The following MYO9B variants were observed in gnomAD, a reference collection of about 807,000 sequenced individuals.
MYO9B encodes the protein myosin IXB, also known as unconventional myosin-IXb.
Under a neutral mutation model 229.5 loss-of-function variants are expected in MYO9B, and 71 were observed. The ratio of observed to expected loss-of-function variants is 0.31; its 90% confidence interval spans 0.26 to 0.38. The LOEUF (loss-of-function observed/expected upper bound fraction) is 0.38, where lower values mean the gene tolerates loss of function less well. Ranked by LOEUF, MYO9B falls within the 10% of genes least tolerant of loss-of-function variation. The probability of loss-of-function intolerance (pLI) is 1.00; values close to 1 mark genes in which losing one functional copy is unlikely to be tolerated. For synonymous variants in MYO9B, 1,185 were observed against 1,235.8 expected, an observed-to-expected ratio of 0.96 and a Z score of 0.86; for missense variants, 2,255 against 2,920.5, an observed-to-expected ratio of 0.77 and a Z score of 5.25.
chr19:17,198,924 G>C (rs2145481255), intron 24 of MYO9B, among the ~76,000 whole-genome samples: 1 of 152,224 alleles, frequency 6.6e-6, no homozygotes, highest in South Asian at 2.1e-4. Flanking sequence ...TGGCTGAATG[G>C]ATGCAGTAGG....
At position 17,162,484 on chromosome 19, in the gene MYO9B, C is replaced by T; in HGVS notation, c.1536+18C>T. 1 of 1,545,512 alleles carries T rather than the reference C, an allele frequency of 6.5e-7. No individual in the cohort carries two copies. Among genetic ancestry groups the T allele is most frequent in the Non-Finnish European group, 8.7e-7 (1 of 1,144,702 alleles). On this transcript the variant is annotated intron_variant, in intron 9 of 39. Transcript: ENST00000682292. ...CAGTCTCGGTGAGTGCCCCCATTTGCTTCCTCAAGCCCGGCCAGGGGAGGC... is the reference window on the plus strand; with the variant it reads ...CAGTCTCGGTGAGTGCCCCCATTTGTTTCCTCAAGCCCGGCCAGGGGAGGC...
At chr19:17,144,862 C>T (rs762939184) in intron 2 of MYO9B, among the ~76,000 whole-genome samples, 4 of 148,198 alleles carry the variant, frequency 2.7e-5, no homozygotes, top group East Asian at 4.1e-4. Context: ...CCCAGCCACT[C>T]GGGAGGCTGA....
chr19:17,077,571 G>T (rs1370657257), intron 1 of MYO9B, among the ~76,000 whole-genome samples: 1 of 152,288 alleles, frequency 6.6e-6, no homozygotes, highest in South Asian at 2.1e-4. Flanking sequence ...GGGTCTTGTG[G>T]GGGGAGCACT....
At chr19:17,093,071 C>T (rs2057654164) in intron 1 of MYO9B, among the ~76,000 whole-genome samples, 1 of 152,150 alleles carries the variant, frequency 6.6e-6, no homozygotes, top group South Asian at 2.1e-4. Context: ...GTGGCTCACA[C>T]CTGTAATCCT....
intron 2 of MYO9B, among the ~76,000 whole-genome samples, chr19:17,106,395 G>A (rs915246111): frequency 6.6e-6 from 1 of 152,206 alleles, no homozygotes; most frequent in Non-Finnish European, 1.5e-5. Context: ...ATTCTCCCCA[G>A]GTAGAACTCG....
intron 7 of MYO9B, among the ~76,000 whole-genome samples, chr19:17,158,421 C>G (rs181799966): frequency 6.6e-6 from 1 of 151,894 alleles, no homozygotes; most frequent in Non-Finnish European, 1.5e-5. Context: ...ATGGAGAAAC[C>G]CCATCTCTAC....
chr19:17,201,343 G>A (rs1000427053), intron 26 of MYO9B, among the ~76,000 whole-genome samples: 2 of 137,278 alleles, frequency 1.5e-5, no homozygotes. Flanking sequence ...GTTATACCCC[G>A]TGGGGGTGGG....
chr19:17,076,381 G>T (rs892254627), intron 1 of MYO9B, among the ~76,000 whole-genome samples: 1 of 152,046 alleles, frequency 6.6e-6, no homozygotes, highest in South Asian at 2.1e-4. Context: ...TAAATGCGGG[G>T]GGTTCTGAAC....
chr19:17,200,805 C>T lies in MYO9B; in HGVS notation c.4539C>T (p.Tyr1513=). The stretch of plus-strand genomic sequence containing the variant: ...TCACCAACGCCAATGAGCTCAAGTA[C>T]CTGGACGAGTTCCTGCTCAACAAGG... ...RQITNANELK[Y]LDEFLLNKIN... Residue 1513 remains tyrosine, a synonymous_variant, in exon 26 of 40, where the codon TAC becomes TAT. Transcript: ENST00000682292. The T allele has an allele frequency of 6.2e-7, 1 of 1,613,974 alleles. No homozygotes were observed. The highest frequency in any genetic ancestry group is 8.5e-7 in the Non-Finnish European group (1 of 1,179,852).
rs2073217414 is a variant in MYO9B, at chr19:17,210,707, T to G, written c.5797-8T>G. 6.5e-7 allele frequency: 1 copy of G among 1,532,792 alleles called. No homozygotes were observed. The highest frequency in any genetic ancestry group is 1.4e-5 in the African/African-American group (1 of 72,320). The allele number at this position is 1,532,792 out of a possible 1,614,324, so 94.9% of individuals were successfully genotyped here. A position where few individuals can be genotyped will look rare whatever the true frequency, so the allele number is the denominator to read the frequency against. ...ATGTCAGTGGGACCCCTTGCTTCTT[T>G]GTTTCAGAACAAGAGCCCCAAGACC... is the stretch of plus-strand genomic sequence containing the variant. On this transcript the variant is annotated splice_polypyrimidine_tract_variant and splice_region_variant and intron_variant, in intron 37 of 39. Transcript: ENST00000682292.
At chr19:17,089,556 C>A (rs1025930296) in intron 1 of MYO9B, among the ~76,000 whole-genome samples, 7 of 152,134 alleles carry the variant, frequency 4.6e-5, no homozygotes. Context: ...TCTGTGCAGC[C>A]GGCCTTGAGA....
At chr19:17,142,465 G>C (rs1379230115) in intron 2 of MYO9B, among the ~76,000 whole-genome samples, 1 of 152,036 alleles carries the variant, frequency 6.6e-6, no homozygotes, top group African/African-American at 2.4e-5. Context: ...CATGTTTTAC[G>C]CCAATTTTTT....
chr19:17,115,444 A>G lies in MYO9B; in HGVS notation c.840+12887A>G, dbSNP rs1388811589. Among the ~76,000 whole-genome samples, 15 of 149,492 alleles carry G rather than the reference A, an allele frequency of 1.0e-4. 1 individual carries two copies. In the Admixed American group the frequency reaches 1.0e-3, roughly 10 times the overall value. On this transcript the variant is annotated intron_variant, in intron 2 of 39. Coordinates refer to ENST00000682292, the MANE Select transcript of MYO9B (RefSeq NM_004145.4). ...GCTTCGTAGAATGTTCCAGAACCCCATAAAGGTGACCATTTCACAGATGCC... is the reference window on the plus strand; with the variant it reads ...GCTTCGTAGAATGTTCCAGAACCCCGTAAAGGTGACCATTTCACAGATGCC...
intron 14 of MYO9B, among the ~76,000 whole-genome samples, chr19:17,180,333 T>C (rs2072843256): frequency 6.8e-6 from 1 of 146,234 alleles, no homozygotes; most frequent in Non-Finnish European, 1.5e-5. Context: ...AATGACCAGA[T>C]GGAAATAATT....
intron 2 of MYO9B, among the ~76,000 whole-genome samples, chr19:17,138,171 A>T (rs1485411436): frequency 6.6e-6 from 1 of 151,716 alleles, no homozygotes; most frequent in African/African-American, 2.4e-5. Flanking sequence ...TGATCTTGTG[A>T]TAGTTTGGTG....
Position 17,193,118 on chromosome 19 carries a change from C to T in MYO9B, c.3128+56C>T. ...TATTCCAGAAGCCAAAAAGGTCACT[C>T]ACCAAATTGCTGCCCGTGATATACC... On this transcript the variant is annotated intron_variant, in intron 21 of 39. Transcript: ENST00000682292. This position sits in a 1 kb window ranked among gnomAD's most constrained non-coding sequence, Gnocchi z 4.3. The T allele has an allele frequency of 7.1e-7, 1 of 1,414,398 alleles. No homozygotes were observed. The allele number at this position is 1,414,398 out of a possible 1,614,324, so 87.6% of individuals were successfully genotyped here. A position where few individuals can be genotyped will look rare whatever the true frequency, so the allele number is the denominator to read the frequency against.
rs1338277574 is a variant in MYO9B, at chr19:17,194,651, G to A, written c.3224G>A (p.Gly1075Asp). ...ARAGAEEGGQ[G>D]QAAGGQQVAE... ...GCAGGTGCTGAGGAGGGCGGACAGGGTCAGGCGGCTGGAGGGCAGCAGGTA... is the reference window on the plus strand; with the variant it reads ...GCAGGTGCTGAGGAGGGCGGACAGGATCAGGCGGCTGGAGGGCAGCAGGTA... Residue 1075 changes from glycine to aspartate, a missense_variant, in exon 22 of 40, where the codon GGT becomes GAT. Coordinates refer to ENST00000682292, the MANE Select transcript of MYO9B (RefSeq NM_004145.4). The A allele has an allele frequency of 6.2e-7, 1 of 1,612,752 alleles. No homozygotes were observed. The highest frequency in any genetic ancestry group is 2.2e-5 in the East Asian group (1 of 44,890).
intron 21 of MYO9B, among the ~76,000 whole-genome samples, chr19:17,194,301 C>G (rs969826180): frequency 6.6e-6 from 1 of 152,188 alleles, no homozygotes; most frequent in Non-Finnish European, 1.5e-5. Context: ...ACCACAGCCC[C>G]AACAAGGGTC....
intron 35 of MYO9B, 21 bp from the exon 36 acceptor site, chr19:17,209,565 T>C: frequency 6.4e-7 from 1 of 1,571,166 alleles, no homozygotes; most frequent in Non-Finnish European, 8.6e-7. Context: ...AGTCACTTCC[T>C]CCCGTGGGCC....
Sources: gnomAD v4.1 joint callset for allele counts (sites outside exome capture counted in the v4.1 genomes callset) on GRCh38, gnomAD v4.1.1 for gene constraint, Gnocchi (gnomAD v3.1) non-coding constraint, MANE v1.5 for transcripts, NCBI Gene and HGNC (gene_info 2026-07-23, HGNC 2026-07-21) for gene names.